Variants in CASK observed in about 807,000 individuals in gnomAD.
The protein encoded by CASK is peripheral plasma membrane protein CASK.
Under a neutral mutation model 82.9 loss-of-function variants are expected in CASK, and 4 were observed. That is an observed-to-expected ratio of 0.05 (90% CI 0.02 to 0.11). The LOEUF is 0.11. Among genes scored for constraint, CASK ranks in the 10% least tolerant of loss-of-function variants. The probability of loss-of-function intolerance (pLI) is 1.00; values close to 1 mark genes in which losing one functional copy is unlikely to be tolerated. For synonymous variants in CASK, 259 were observed against 253.5 expected, an observed-to-expected ratio of 1.02 and a Z score of -0.20; for missense variants, 358 against 720.9, an observed-to-expected ratio of 0.50 and a Z score of 5.76.
chrX:41,837,870 T>G (rs774477461), intron 2 of CASK, among the ~76,000 whole-genome samples: 2 of 112,179 alleles, frequency 1.8e-5, no homozygotes, highest in Non-Finnish European at 3.8e-5. Context: ...AGGAGTACAC[T>G]TGCTGGGTTG....
At chrX:41,790,257 G>A (rs2069687780) in intron 2 of CASK, 3 of 871,603 alleles carry the variant, frequency 3.4e-6, no homozygotes, top group African/African-American at 2.2e-5. Flanking sequence ...CCTGGAGATG[G>A]GGTTTTACCG....
chrX:41,888,829 GTA>G (rs1217923883), intron 1 of CASK, among the ~76,000 whole-genome samples: 1 of 105,882 alleles, frequency 9.4e-6, no homozygotes, highest in Non-Finnish European at 1.9e-5. Context: ...ATATATGTAT[GTA>G]TATATATGTG....
In CASK at chrX:41,660,435, G is replaced by T. The variant is rs1275463774; in HGVS notation, c.831+4C>A. On this transcript the variant is annotated splice_donor_region_variant and intron_variant, in intron 8 of 26. Coordinates refer to ENST00000378163, the MANE Select transcript of CASK (RefSeq NM_001367721.1). ...TAGAAGGTGACCTGTGAATGCTCAT[G>T]TACCTTAAGCCATGGGTGATTCAGT... 20 of 1,204,761 alleles carry T rather than the reference G, an allele frequency of 1.7e-5. No individual in the cohort carries two copies. The highest frequency in any genetic ancestry group is 2.2e-5 in the Non-Finnish European group (20 of 890,457).
chrX:41,588,425 G>A (rs1394617030), intron 13 of CASK: 2 of 111,154 alleles, frequency 1.8e-5, no homozygotes, highest in South Asian at 3.8e-4. Flanking sequence ...TTCTATCTGC[G>A]TATTGTGAAG....
In CASK at chrX:41,723,467, C is replaced by T. The variant is rs188737161; in HGVS notation, c.429+15917G>A. Among the ~76,000 whole-genome samples the T allele has an allele frequency of 1.6e-3, 180 of 111,955 alleles. 1 individual carries two copies. The highest frequency in any genetic ancestry group is 5.6e-3 in the African/African-American group (172 of 30,878). On this transcript the variant is annotated intron_variant, in intron 5 of 26. Coordinates refer to ENST00000378163, the MANE Select transcript of CASK (RefSeq NM_001367721.1). ...TATTGTTTTAGACTAGTCATGGTTTCACAATTCTTTATAACTATTCATTTG... is the reference window on the plus strand; with the variant it reads ...TATTGTTTTAGACTAGTCATGGTTTTACAATTCTTTATAACTATTCATTTG...
At chrX:41,682,038 C>A in intron 5 of CASK, among the ~76,000 whole-genome samples, 1 of 87,370 alleles carries the variant, frequency 1.1e-5, no homozygotes, top group Non-Finnish European at 2.3e-5. Context: ...TAAATGAATC[C>A]AACATAAGGA....
intron 4 of CASK, among the ~76,000 whole-genome samples, chrX:41,741,250 G>A (rs17315891): frequency 0.2 from 21,991 of 111,251 alleles, 1,839 homozygotes; most frequent in Non-Finnish European, 0.26. Flanking sequence ...TCAGGCTTTG[G>A]AAGATCTGTA....
At chrX:41,523,233 G>A (rs986604369) in intron 26 of CASK, among the ~76,000 whole-genome samples, 5 of 112,089 alleles carry the variant, frequency 4.5e-5, no homozygotes, top group African/African-American at 1.3e-4. Flanking sequence ...ACATAATGAC[G>A]GAAAATATGA....
chrX:41,841,233 C>T, intron 2 of CASK, among the ~76,000 whole-genome samples: 1 of 111,434 alleles, frequency 9.0e-6, no homozygotes, highest in African/African-American at 3.3e-5. Context: ...TTTTTTACTA[C>T]AGCCATTTTA....
intron 5 of CASK, among the ~76,000 whole-genome samples, chrX:41,678,221 A>C (rs1426561634): frequency 9.0e-6 from 1 of 111,728 alleles, no homozygotes; most frequent in Non-Finnish European, 1.9e-5. Context: ...TTGGTTCTAG[A>C]CAGGATCCAA....
chrX:41,853,039 G>A, intron 2 of CASK, 76 bp downstream of exon 2: 1 of 668,960 alleles, frequency 1.5e-6, no homozygotes, highest in South Asian at 2.3e-5. Context: ...CCCAGATGAA[G>A]GTTAGGTTGG....
intron 1 of CASK, among the ~76,000 whole-genome samples, chrX:41,891,484 G>A (rs368919508): frequency 1.8e-5 from 2 of 111,701 alleles, no homozygotes; most frequent in East Asian, 2.8e-4. Context: ...AGCAGGTTTC[G>A]AATCAATTAG....
intron 1 of CASK, chrX:41,919,301 G>A (rs902620935): frequency 1.8e-5 from 2 of 111,746 alleles, no homozygotes; most frequent in African/African-American, 6.5e-5. Flanking sequence ...TTAAGCAAGG[G>A]TCATGCTGCA....
At chrX:41,527,510 C>G (rs773073997) in intron 25 of CASK, among the ~76,000 whole-genome samples, 4 of 111,834 alleles carry the variant, frequency 3.6e-5, no homozygotes, top group Non-Finnish European at 5.6e-5. Flanking sequence ...TTCTGGTTTG[C>G]AAACTTAAAA....
At chrX:41,684,582 C>T (rs1272674400) in intron 5 of CASK, among the ~76,000 whole-genome samples, 2 of 111,511 alleles carry the variant, frequency 1.8e-5, no homozygotes, top group African/African-American at 3.3e-5. Flanking sequence ...CTGCAACCTC[C>T]ACCTCCCGAG....
rs748250495 is a variant in CASK at position 41,639,829 on chromosome X, T to C, written c.832-3168A>G. On this transcript the variant is annotated intron_variant, in intron 8 of 26. Coordinates refer to ENST00000378163, the MANE Select transcript of CASK (RefSeq NM_001367721.1). ...AGACTTTTATATAAATTGAATCATATAGTATGTGCTCATTATTGTCCAGCT... is the reference window on the plus strand; with the variant it reads ...AGACTTTTATATAAATTGAATCATACAGTATGTGCTCATTATTGTCCAGCT... Among the ~76,000 whole-genome samples, 4 of 111,926 alleles carry C rather than the reference T, an allele frequency of 3.6e-5. No individual in the cohort carries two copies. The East Asian group carries it at 1.1e-3, about 31-fold the overall frequency.
chrX:41,644,369 A>C (rs1032529753), intron 8 of CASK, among the ~76,000 whole-genome samples: 1 of 112,245 alleles, frequency 8.9e-6, no homozygotes, highest in Admixed American at 9.5e-5. Context: ...GCAATCTTTA[A>C]ACATAAATTG....
chrX:41,642,590 GTTGT>G (rs1348230250), intron 8 of CASK, among the ~76,000 whole-genome samples: 4 of 112,048 alleles, frequency 3.6e-5, no homozygotes, highest in Admixed American at 2.8e-4. Flanking sequence ...TTTTGATGGG[GTTGT>G]TTGATTTTTT....
rs55730177 is a variant in CASK, at chrX:41,829,696, GATATATATATATATATATATAT to G, written c.172+23397_172+23418del. The stretch of plus-strand genomic sequence containing the variant: ...CAGGGATGCAAATGCTAGGTCACAA[GATATATATATATATATATATAT>G]ATATATATATATATATATATATATA... On this transcript the variant is annotated intron_variant, in intron 2 of 26. Transcript: ENST00000378163. 3.9e-3 allele frequency among the ~76,000 whole-genome samples: 64 copies of G among 16,260 alleles called. 1 individual carries two copies. The highest frequency in any genetic ancestry group is 0.016 in the East Asian group (2 of 124). The allele number at this position is 16,260 out of a possible 115,157, so 14.1% of individuals were successfully genotyped here.
Sources: gnomAD v4.1 joint callset for allele counts (sites outside exome capture counted in the v4.1 genomes callset) on GRCh38, gnomAD v4.1.1 for gene constraint, MANE v1.5 for transcripts, NCBI Gene and HGNC (gene_info 2026-07-23, HGNC 2026-07-21) for gene names.